Variants in ALK observed in about 807,000 individuals in gnomAD.
ALK encodes the protein ALK tyrosine kinase receptor.
In ALK, 74 loss-of-function variants were observed where a neutral mutation model predicts 163.1. That is an observed-to-expected ratio of 0.45 (90% CI 0.38 to 0.55). ALK has a LOEUF of 0.55. ALK is among the 20% of genes least tolerant of loss of function. The pLI, the probability that ALK is intolerant of heterozygous loss-of-function variation, is 0.00. For synonymous variants in ALK, 960 were observed against 843.2 expected, an observed-to-expected ratio of 1.14 and a Z score of -2.40; for missense variants, 2,063 against 2,105.3, an observed-to-expected ratio of 0.98 and a Z score of 0.39.
Position 29,740,710 on chromosome 2 carries a change from T to A in ALK, c.668-23013A>T, listed in dbSNP as rs116315223. Reference sequence around the variant, plus strand: ...GATATCATTCAGCGCTCAAAAGAAATGTGCTATTAGGCTAGGCGTGGTGGC... The same window carrying A: ...GATATCATTCAGCGCTCAAAAGAAAAGTGCTATTAGGCTAGGCGTGGTGGC... On this transcript the variant is annotated intron_variant, in intron 1 of 28. Transcript: ENST00000389048. Among the ~76,000 whole-genome samples, 1,431 of 152,258 alleles carry A rather than the reference T, an allele frequency of 9.4e-3. 23 individuals carry two copies. Among genetic ancestry groups the A allele is most frequent in the African/African-American group, 0.033 (1,373 of 41,552 alleles).
chr2:29,363,804 GA>G, intron 5 of ALK, among the ~76,000 whole-genome samples: 1 of 152,170 alleles, frequency 6.6e-6, no homozygotes, highest in Non-Finnish European at 1.5e-5. Context: ...CATCTCTTCA[GA>G]AAAGTTATTA....
chr2:29,636,247 A>T (rs1335668711), intron 3 of ALK, among the ~76,000 whole-genome samples: 1 of 152,184 alleles, frequency 6.6e-6, no homozygotes, highest in Non-Finnish European at 1.5e-5. Context: ...ATAAAGGTAC[A>T]AAAACAGCTC....
At chr2:29,214,523 T>A (rs1394954553) in intron 23 of ALK, among the ~76,000 whole-genome samples, 1 of 152,232 alleles carries the variant, frequency 6.6e-6, no homozygotes, top group African/African-American at 2.4e-5. Flanking sequence ...ATCCTCGATT[T>A]AAATGTCTTA....
At chr2:29,757,260 G>C (rs1271885634) in intron 1 of ALK, among the ~76,000 whole-genome samples, 2 of 152,196 alleles carry the variant, frequency 1.3e-5, no homozygotes, top group African/African-American at 4.8e-5. Context: ...AGGTGATATA[G>C]TAACAGCTGG....
rs566276538 is a variant in ALK at position 29,217,047 on chromosome 2, G to A, written c.3646-2966C>T. On this transcript the variant is annotated intron_variant, in intron 23 of 28. Transcript: ENST00000389048. ...GTGGTATGTGTCTGGGGGCATGTGTGTGGTGTGTGTTGTATGTGTATGTGT... is the reference window on the plus strand; with the variant it reads ...GTGGTATGTGTCTGGGGGCATGTGTATGGTGTGTGTTGTATGTGTATGTGT... Among the ~76,000 whole-genome samples the A allele has an allele frequency of 9.4e-5, 14 of 148,552 alleles. No individual in the cohort carries two copies. The South Asian group carries it at 2.4e-3, about 25-fold the overall frequency.
intron 9 of ALK, among the ~76,000 whole-genome samples, chr2:29,295,469 A>G (rs923715137): frequency 2.0e-5 from 3 of 152,200 alleles, no homozygotes; most frequent in African/African-American, 4.8e-5. Context: ...TATAGTGGGC[A>G]GAGCTCACAC....
chr2:29,829,378 C>T lies in ALK; in HGVS notation c.667+90615G>A, dbSNP rs541423359. ...TGCAGTTTAACCATATTCTTTGTGCCTTCTAGGCCTGAGTTTGTAGATTGT... is the reference window on the plus strand; with the variant it reads ...TGCAGTTTAACCATATTCTTTGTGCTTTCTAGGCCTGAGTTTGTAGATTGT... On this transcript the variant is annotated intron_variant, in intron 1 of 28. Transcript: ENST00000389048. Among the ~76,000 whole-genome samples the T allele has an allele frequency of 6.3e-4, 95 of 151,308 alleles. 1 individual carries two copies. The highest frequency in any genetic ancestry group is 2.2e-3 in the African/African-American group (90 of 41,206).
intron 2 of ALK, among the ~76,000 whole-genome samples, chr2:29,701,608 T>G (rs1044573558): frequency 1.3e-5 from 2 of 152,234 alleles, no homozygotes; most frequent in African/African-American, 4.8e-5. Context: ...ACTTTCTTGT[T>G]CCTGGCAACG....
intron 1 of ALK, among the ~76,000 whole-genome samples, chr2:29,788,826 C>T (rs143156856): frequency 6.6e-6 from 1 of 152,142 alleles, no homozygotes; most frequent in Admixed American, 6.6e-5. Flanking sequence ...TAAGAAGTAA[C>T]CTTGTTTTCT....
At position 29,525,636 on chromosome 2, in the gene ALK, A is replaced by G. The variant is rs187447157; in HGVS notation, c.1154+6279T>C. Among the ~76,000 whole-genome samples, 262 of 152,018 alleles carry G rather than the reference A, an allele frequency of 1.7e-3. 2 individuals carry two copies. Among genetic ancestry groups the G allele is most frequent in the African/African-American group, 6.0e-3 (247 of 41,460 alleles). The stretch of plus-strand genomic sequence containing the variant: ...AAAACCCTGTCTCTACTAAAAATAC[A>G]AAAATTAGCCAGGTGTGGTGGTGGG... On this transcript the variant is annotated intron_variant, in intron 4 of 28. Coordinates refer to ENST00000389048, the MANE Select transcript of ALK (RefSeq NM_004304.5).
intron 3 of ALK, among the ~76,000 whole-genome samples, chr2:29,633,332 A>G (rs1676434041): frequency 1.3e-5 from 2 of 152,180 alleles, no homozygotes; most frequent in South Asian, 2.1e-4. Flanking sequence ...CATGTCAGCT[A>G]TTACACATAG....
intron 3 of ALK, among the ~76,000 whole-genome samples, chr2:29,603,675 G>T (rs1407462317): frequency 6.6e-6 from 1 of 151,888 alleles, no homozygotes; most frequent in East Asian, 1.9e-4. Context: ...TTTTGTTTTT[G>T]GTTTACCAGT....
rs368484630 is a variant in ALK at position 29,193,606 on chromosome 2, C to A, written c.4481G>T (p.Gly1494Val). The A allele has an allele frequency of 6.2e-7, 1 of 1,614,232 alleles. No homozygotes were observed. Among genetic ancestry groups the A allele is most frequent in the Non-Finnish European group, 8.5e-7 (1 of 1,180,038 alleles). ...CAAGCTGGTGGGCTTGTTTCTGGAT[C>A]CGTGGACCTTGTGCAACTCCGAAGG... is the stretch of plus-strand genomic sequence containing the variant. The part of the protein sequence containing the change: ...NPPSELHKVH[G>V]SRNKPTSLWN... The change falls in exon 29 of 29, where the codon GGA becomes GTA. Residue 1494 changes from glycine to valine, a missense_variant. By Grantham distance (109) the Gly-to-Val change is moderately radical. This residue lies in a region of ALK where 403 missense variants were observed against 366.2 expected (regional missense o/e 1.10). Coordinates refer to ENST00000389048, the MANE Select transcript of ALK (RefSeq NM_004304.5).
chr2:29,207,134 G>T, intron 26 of ALK, 37 bp downstream of exon 26: 1 of 1,546,520 alleles, frequency 6.5e-7, no homozygotes. Flanking sequence ...ACCACCTTAT[G>T]GCTGCAGGGA....
intron 3 of ALK, among the ~76,000 whole-genome samples, chr2:29,609,221 G>C (rs1036234286): frequency 6.6e-6 from 1 of 152,206 alleles, no homozygotes; most frequent in Non-Finnish European, 1.5e-5. Flanking sequence ...ACCATGCCCA[G>C]ACTATTTCCA....
chr2:29,706,169 A>G (rs1243599293), intron 2 of ALK, among the ~76,000 whole-genome samples: 3 of 152,334 alleles, frequency 2.0e-5, no homozygotes, highest in South Asian at 2.1e-4. Context: ...GGTCTCTTCC[A>G]TCTCTACCAT....
At chr2:29,212,130 A>AAAAG (rs894972888) in intron 24 of ALK, among the ~76,000 whole-genome samples, 34 of 152,326 alleles carry the variant, frequency 2.2e-4, no homozygotes, top group African/African-American at 7.9e-4. Flanking sequence ...AGACAAGTAG[A>AAAAG]AAAGATCCCA....
chr2:29,675,605 A>AT (rs141838346), intron 3 of ALK, among the ~76,000 whole-genome samples: 2,189 of 151,598 alleles, frequency 0.014, 63 homozygotes, highest in African/African-American at 0.051. Flanking sequence ...TCACCTGTGA[A>AT]TTTTTTTTTC....
At chr2:29,833,755 G>A (rs1665484258) in intron 1 of ALK, among the ~76,000 whole-genome samples, 2 of 152,330 alleles carry the variant, frequency 1.3e-5, no homozygotes. Flanking sequence ...ATTCAGGATT[G>A]GAGCCCAGGT....
Sources: gnomAD v4.1 joint callset for allele counts (sites outside exome capture counted in the v4.1 genomes callset) on GRCh38, gnomAD v4.1.1 for gene constraint, gnomAD v4.1.1 regional missense constraint, MANE v1.5 for transcripts, NCBI Gene and HGNC (gene_info 2026-07-23, HGNC 2026-07-21) for gene names.